The following PCDHA7 variants were observed in gnomAD, a reference collection of about 807,000 sequenced individuals.
PCDHA7 encodes protocadherin alpha-7.
A neutral mutation model predicts 57.2 loss-of-function variants in PCDHA7; 37 were observed. The observed-to-expected ratio is 0.65, with a 90% CI of 0.50 to 0.85. The LOEUF is 0.85. Ranked by LOEUF, PCDHA7 falls within the 40% of genes least tolerant of loss-of-function variation. The pLI, the probability that PCDHA7 is intolerant of heterozygous loss-of-function variation, is 0.00. For synonymous variants in PCDHA7, 553 were observed against 558.8 expected (o/e 0.99, Z 0.15); for missense variants, 1,188 against 1,241.8 (o/e 0.96, Z 0.65).
At chr5:140,842,605 G>T (rs1198033528) in intron 1 of PCDHA7, 2 of 1,550,578 alleles carry the variant, frequency 1.3e-6, no homozygotes, top group African/African-American at 2.9e-5. Context: ...TAACCGCGCG[G>T]GACGGGGGCT....
At chr5:140,970,802 AC>A (rs1407360459) in intron 1 of PCDHA7, among the ~76,000 whole-genome samples, 1 of 152,216 alleles carries the variant, frequency 6.6e-6, no homozygotes, top group Non-Finnish European at 1.5e-5. Flanking sequence ...CCATATTGTT[AC>A]ATTTCAAGTT....
Position 140,979,023 on chromosome 5 carries a change from C to G in PCDHA7, c.2414+16C>G, listed in dbSNP as rs2096831948. On this transcript the variant is annotated intron_variant, in intron 2 of 3. Transcript: ENST00000525929. ...GCATGCACAGGTATGTATTTCCCTC[C>G]TCATTCACTCAGAAGTAACCTTAAC... The G allele has an allele frequency of 6.2e-7, 1 of 1,613,422 alleles. No homozygotes were observed.
At chr5:140,906,926 T>C (rs1217312413) in intron 1 of PCDHA7, among the ~76,000 whole-genome samples, 1 of 152,194 alleles carries the variant, frequency 6.6e-6, no homozygotes, top group Non-Finnish European at 1.5e-5. Flanking sequence ...CCAAAAAGTG[T>C]CCCGGTGTCA....
chr5:140,879,894 T>C (rs2153369518), intron 1 of PCDHA7, among the ~76,000 whole-genome samples: 1 of 152,348 alleles, frequency 6.6e-6, no homozygotes. Context: ...CTCCTCTCCA[T>C]GTCTCTCTCT....
intron 2 of PCDHA7, among the ~76,000 whole-genome samples, chr5:140,980,036 G>T (rs952735379): frequency 6.6e-6 from 1 of 152,176 alleles, no homozygotes; most frequent in African/African-American, 2.4e-5. Context: ...ATTACATTGG[G>T]TGCTATTTCT....
chr5:140,855,032 A>AT (rs2043313669), intron 1 of PCDHA7, among the ~76,000 whole-genome samples: 1 of 149,732 alleles, frequency 6.7e-6, no homozygotes, highest in Non-Finnish European at 1.5e-5. Flanking sequence ...TGTATAAAGG[A>AT]TTTTTCTGTA....
chr5:140,869,517 A>AT, intron 1 of PCDHA7: 1 of 1,614,200 alleles, frequency 6.2e-7, no homozygotes, highest in East Asian at 2.2e-5. Flanking sequence ...TCAGAGAACA[A>AT]AAGCTGCTGA....
In PCDHA7 at chr5:141,010,190, C is replaced by T. The variant is rs868983471; in HGVS notation, c.*253C>T. On this transcript the variant is annotated 3_prime_UTR_variant, in exon 4 of 4. Coordinates refer to ENST00000525929, the MANE Select transcript of PCDHA7 (RefSeq NM_018910.3). ...GAACCTAAAAAGCAGACCCAAGTTT[C>T]CTTTCTCCTCCGCCGCAAAGGAGAG... The T allele has an allele frequency of 6.4e-7, 1 of 1,552,504 alleles. No homozygotes were observed. Among genetic ancestry groups the T allele is most frequent in the Non-Finnish European group, 8.7e-7 (1 of 1,147,234 alleles).
chr5:140,924,613 T>G (rs185833158), intron 1 of PCDHA7, among the ~76,000 whole-genome samples: 1 of 152,170 alleles, frequency 6.6e-6, no homozygotes, highest in African/African-American at 2.4e-5. Context: ...TGATGCCAGG[T>G]GCGGTGGCAT....
At chr5:140,964,840 C>G (rs1270845085) in intron 1 of PCDHA7, among the ~76,000 whole-genome samples, 1 of 152,152 alleles carries the variant, frequency 6.6e-6, no homozygotes, top group Non-Finnish European at 1.5e-5. Flanking sequence ...GCTTCCTACT[C>G]TGTACCCTTG....
chr5:140,862,825 C>T (rs782012901), intron 1 of PCDHA7: 2 of 572,056 alleles, frequency 3.5e-6, no homozygotes, highest in Non-Finnish European at 6.7e-6. Context: ...GGTGAGAGCG[C>T]GCGACGCGGG....
At chr5:140,971,641 C>T (rs1554233513) in intron 1 of PCDHA7, among the ~76,000 whole-genome samples, 1 of 152,078 alleles carries the variant, frequency 6.6e-6, no homozygotes, top group African/African-American at 2.4e-5. Context: ...CATGTGCCTA[C>T]ATTAAAAGTA....
At chr5:140,987,990 C>T (rs57614084) in intron 3 of PCDHA7, among the ~76,000 whole-genome samples, 1 of 152,190 alleles carries the variant, frequency 6.6e-6, no homozygotes, top group African/African-American at 2.4e-5. Context: ...GACTCCATCT[C>T]TGATCCTTCC....
intron 1 of PCDHA7, chr5:140,868,445 T>C (rs1250466502): frequency 6.6e-6 from 1 of 152,220 alleles, no homozygotes; most frequent in Non-Finnish European, 1.5e-5. Flanking sequence ...ATGTGGAACA[T>C]AAACACTAAA....
Position 141,010,327 on chromosome 5 carries a change from G to T in PCDHA7, c.*390G>T, listed in dbSNP as rs2098416942. 5 of 1,539,742 alleles carry T rather than the reference G, an allele frequency of 3.2e-6. No individual in the cohort carries two copies. The highest frequency in any genetic ancestry group is 2.4e-5 in the South Asian group (2 of 82,532). On this transcript the variant is annotated 3_prime_UTR_variant, in exon 4 of 4. Transcript: ENST00000525929. ...AAAGTTTTGAGATTGAGCAGCTTGGGAGTTTGTGGCCACTGGGTATGTGTG... is the reference window on the plus strand; with the variant it reads ...AAAGTTTTGAGATTGAGCAGCTTGGTAGTTTGTGGCCACTGGGTATGTGTG...
chr5:140,856,457 CA>C, intron 1 of PCDHA7: 1 of 1,598,330 alleles, frequency 6.3e-7, no homozygotes, highest in East Asian at 2.2e-5. Context: ...CGTAACAGAA[CA>C]AAAGCTCTCA....
chr5:140,913,103 G>A (rs2076206771), intron 1 of PCDHA7, among the ~76,000 whole-genome samples: 1 of 152,144 alleles, frequency 6.6e-6, no homozygotes, highest in Admixed American at 6.5e-5. Context: ...TGGCCTCATA[G>A]AATCAGTTTG....
chr5:140,890,283 A>G (rs1554184241), intron 1 of PCDHA7, among the ~76,000 whole-genome samples: 2 of 152,192 alleles, frequency 1.3e-5, no homozygotes, highest in Admixed American at 1.3e-4. Flanking sequence ...CACTCAGTTG[A>G]GTCAGAACCA....
chr5:140,876,699 G>T (rs782209543), intron 1 of PCDHA7: 1 of 1,614,228 alleles, frequency 6.2e-7, no homozygotes. Context: ...CGTTGGTGCT[G>T]GACAGCGCCC....
Sources: gnomAD v4.1 joint callset for allele counts (sites outside exome capture counted in the v4.1 genomes callset) on GRCh38, gnomAD v4.1.1 for gene constraint, MANE v1.5 for transcripts, NCBI Gene and HGNC (gene_info 2026-07-23, HGNC 2026-07-21) for gene names.